Variants in FSHR observed in about 807,000 individuals in gnomAD.
FSHR encodes the protein follicle stimulating hormone receptor.
FSHR carries 46 observed loss-of-function variants against 52.1 expected under a neutral mutation model. The ratio of observed to expected loss-of-function variants is 0.88; its 90% CI spans 0.70 to 1.13. The LOEUF (loss-of-function observed/expected upper bound fraction) is 1.13. Among genes scored for constraint, FSHR ranks in the 50% most tolerant of loss-of-function variants. The probability of loss-of-function intolerance (pLI) is 0.00; values close to 1 mark genes in which losing one functional copy is unlikely to be tolerated. For missense variants in FSHR, 964 were observed against 834.6 expected, an observed-to-expected ratio of 1.16 and a Z score of -1.91; for synonymous variants, 399 against 309.6, an observed-to-expected ratio of 1.29 and a Z score of -3.03.
At chr2:49,127,830 C>CTCTTCT (rs869083755) in intron 1 of FSHR, among the ~76,000 whole-genome samples, 8 of 21,048 alleles carry the variant, frequency 3.8e-4, no homozygotes, top group Admixed American at 1.2e-3. Flanking sequence ...CTTCTTCTTC[C>CTCTTCT]TCTTCTTCTT....
intron 2 of FSHR, among the ~76,000 whole-genome samples, chr2:49,050,867 T>C (rs956993512): frequency 2.0e-5 from 3 of 152,158 alleles, no homozygotes; most frequent in African/African-American, 7.2e-5. Context: ...TTAAAAAAGT[T>C]TCCTTGTCTG....
At chr2:48,967,618 A>G (rs1674535479) in intron 9 of FSHR, among the ~76,000 whole-genome samples, 1 of 152,194 alleles carries the variant, frequency 6.6e-6, no homozygotes, top group Admixed American at 6.5e-5. Context: ...TAATATCCCA[A>G]TGATGCATGC....
chr2:49,073,114 T>C (rs1480572359), intron 1 of FSHR, among the ~76,000 whole-genome samples: 1 of 152,074 alleles, frequency 6.6e-6, no homozygotes, highest in Non-Finnish European at 1.5e-5. Flanking sequence ...TAACATCTTA[T>C]GGATGCTTTC....
intron 2 of FSHR, among the ~76,000 whole-genome samples, chr2:49,052,625 C>G (rs1313657532): frequency 6.6e-6 from 1 of 152,150 alleles, no homozygotes. Flanking sequence ...CCTTGTTATT[C>G]CCAGGGACTC....
chr2:49,133,552 G>T (rs1259026867), intron 1 of FSHR, among the ~76,000 whole-genome samples: 5 of 152,108 alleles, frequency 3.3e-5, no homozygotes, highest in South Asian at 4.2e-4. Flanking sequence ...TTTCTTCACA[G>T]AATTGGAAAA....
At chr2:49,073,161 C>A (rs556859512) in intron 1 of FSHR, among the ~76,000 whole-genome samples, 4 of 152,018 alleles carry the variant, frequency 2.6e-5, no homozygotes, top group Non-Finnish European at 4.4e-5. Context: ...GACAAGGATG[C>A]CCACTCTTAC....
At chr2:49,078,230 T>G (rs1670026356) in intron 1 of FSHR, among the ~76,000 whole-genome samples, 1 of 152,188 alleles carries the variant, frequency 6.6e-6, no homozygotes, top group Admixed American at 6.5e-5. Flanking sequence ...AGTCACATCT[T>G]AAATGGATGG....
rs190141730 is a variant in FSHR, at chr2:49,104,473, C to A, written c.153-36183G>T. On this transcript the variant is annotated intron_variant, in intron 1 of 9. Coordinates refer to ENST00000406846, the MANE Select transcript of FSHR (RefSeq NM_000145.4). ...TTCTGTTTCCTTTCTGTTTTATGTC[C>A]ATCAAGGCTTTTCTTTTAGATAGAA... 7.3e-4 allele frequency among the ~76,000 whole-genome samples: 111 copies of A among 152,226 alleles called. 1 individual carries two copies. Among genetic ancestry groups the A allele is most frequent in the African/African-American group, 2.4e-3 (100 of 41,532 alleles).
chr2:49,081,669 T>G lies in FSHR; in HGVS notation c.153-13379A>C, dbSNP rs190896931. Among the ~76,000 whole-genome samples, 11 of 152,322 alleles carry G rather than the reference T, an allele frequency of 7.2e-5. No individual in the cohort carries two copies. In the East Asian group the frequency reaches 2.1e-3, roughly 29 times the overall value. ...ACCACTATGACACTAAAAAAAATTT[T>G]TTTGTCACTATACTGCAGGTTACTT... On this transcript the variant is annotated intron_variant, in intron 1 of 9. Coordinates refer to ENST00000406846, the MANE Select transcript of FSHR (RefSeq NM_000145.4).
intron 2 of FSHR, among the ~76,000 whole-genome samples, chr2:49,039,004 T>A (rs1014310634): frequency 1.3e-5 from 2 of 152,176 alleles, no homozygotes; most frequent in African/African-American, 4.8e-5. Flanking sequence ...ATGTGCTGGA[T>A]GAGTATGCCT....
chr2:48,967,975 A>G (rs1350679343), intron 9 of FSHR, among the ~76,000 whole-genome samples: 1 of 152,208 alleles, frequency 6.6e-6, no homozygotes, highest in African/African-American at 2.4e-5. Context: ...GATACTCAGT[A>G]AGTTCTTACC....
intron 2 of FSHR, among the ~76,000 whole-genome samples, chr2:49,062,420 G>A (rs1156753872): frequency 6.6e-6 from 1 of 151,948 alleles, no homozygotes; most frequent in Non-Finnish European, 1.5e-5. Flanking sequence ...AACTCAAAAT[G>A]GATTAAAGAC....
At chr2:49,081,506 A>G (rs1399058268) in intron 1 of FSHR, among the ~76,000 whole-genome samples, 1 of 152,320 alleles carries the variant, frequency 6.6e-6, no homozygotes, top group Admixed American at 6.5e-5. Context: ...GCATATCCCA[A>G]GCATCATTTA....
At chr2:49,039,126 A>T (rs927878786) in intron 2 of FSHR, among the ~76,000 whole-genome samples, 1 of 137,286 alleles carries the variant, frequency 7.3e-6, no homozygotes. Context: ...ATATTTTTTT[A>T]CAGGTTATTT....
chr2:48,993,345 A>G (rs144418549), intron 4 of FSHR, among the ~76,000 whole-genome samples: 4 of 152,256 alleles, frequency 2.6e-5, no homozygotes, highest in East Asian at 3.9e-4. Flanking sequence ...ATTACTCTCC[A>G]TAGATAGAAT....
chr2:49,031,961 G>A (rs983566878), intron 2 of FSHR, among the ~76,000 whole-genome samples: 1 of 152,122 alleles, frequency 6.6e-6, no homozygotes, highest in South Asian at 2.1e-4. Context: ...TAGGGTCAAG[G>A]ATTTTGTTAT....
At chr2:49,027,588 G>A (rs147597280) in intron 2 of FSHR, among the ~76,000 whole-genome samples, 2,966 of 152,228 alleles carry the variant, frequency 0.019, 98 homozygotes, top group African/African-American at 0.065. Context: ...AGTGGCTCAC[G>A]CCTATAATCC....
At chr2:49,022,627 T>C (rs1667774685) in intron 2 of FSHR, among the ~76,000 whole-genome samples, 1 of 152,320 alleles carries the variant, frequency 6.6e-6, no homozygotes, top group South Asian at 2.1e-4. Context: ...TGGTCCCACC[T>C]GTATGAGGAA....
chr2:48,998,601 T>G (rs1676127618), intron 4 of FSHR, among the ~76,000 whole-genome samples: 1 of 152,080 alleles, frequency 6.6e-6, no homozygotes. Flanking sequence ...TAGCTGAATT[T>G]TACAACAGTA....
Sources: allele counts gnomAD v4.1 joint callset (sites outside exome capture counted in the v4.1 genomes callset), GRCh38; gene constraint gnomAD v4.1.1; transcripts MANE v1.5; gene names NCBI Gene and HGNC (gene_info 2026-07-23, HGNC 2026-07-21).